The following ZDHHC11 variants were observed in gnomAD, a reference collection of about 807,000 sequenced individuals.
ZDHHC11 encodes the protein palmitoyltransferase ZDHHC11.
Under a neutral mutation model 51.3 loss-of-function variants are expected in ZDHHC11, and 44 were observed. The ratio of observed to expected loss-of-function variants is 0.86; its 90% CI spans 0.67 to 1.10. The LOEUF (loss-of-function observed/expected upper bound fraction) is 1.10, where lower values mean the gene tolerates loss of function less well. Ranked by LOEUF, ZDHHC11 falls within the 50% of genes least tolerant of loss-of-function variation. ZDHHC11 has a pLI of 0.00. For missense variants in ZDHHC11, 400 were observed against 537.7 expected (o/e 0.74, Z 2.53); for synonymous variants, 163 against 222.0 (o/e 0.73, Z 2.36).
chr5:809,118 AAAAC>A (rs1739747442), intron 11 of ZDHHC11, among the ~76,000 whole-genome samples: 1 of 147,246 alleles, frequency 6.8e-6, no homozygotes, highest in Admixed American at 6.9e-5. Flanking sequence ...AAAAAAATAA[AAAAC>A]AAACAAAACC....
chr5:859,553 C>T (rs563993420), upstream of ZDHHC11, among the ~76,000 whole-genome samples: 7 of 152,306 alleles, frequency 4.6e-5, no homozygotes, highest in East Asian at 1.9e-4. Flanking sequence ...GAGGGACCTG[C>T]GCAGCTGGTT....
chr5:840,420 C>G lies in ZDHHC11; in HGVS notation c.784+75G>C, dbSNP rs377530477. On this transcript the variant is annotated intron_variant, in intron 5 of 12. Coordinates refer to ENST00000283441, the MANE Select transcript of ZDHHC11 (RefSeq NM_024786.3). Reference sequence around the variant, plus strand: ...GGGGGCTCAGGGTTAGGGACATACTCAAGTAGAGGTGTAAGATGAGCAGCT... The same window carrying G: ...GGGGGCTCAGGGTTAGGGACATACTGAAGTAGAGGTGTAAGATGAGCAGCT... The G allele has an allele frequency of 2.2e-4, 358 of 1,606,760 alleles. No homozygotes were observed. In the African/African-American group the frequency reaches 4.3e-3, roughly 19 times the overall value.
intron 3 of ZDHHC11, among the ~76,000 whole-genome samples, chr5:844,364 G>T (rs1463770890): frequency 6.6e-6 from 1 of 152,298 alleles, no homozygotes. Flanking sequence ...CCCTTTTCAC[G>T]AGTGGGGAAA....
chr5:799,538 T>C (rs1561223967), intron 12 of ZDHHC11, among the ~76,000 whole-genome samples: 1 of 151,588 alleles, frequency 6.6e-6, no homozygotes, highest in Non-Finnish European at 1.5e-5. Flanking sequence ...CATTTGATGC[T>C]CACATGGAAG....
At chr5:832,609 AC>A (rs1391775104) in intron 7 of ZDHHC11, among the ~76,000 whole-genome samples, 2 of 62,052 alleles carry the variant, frequency 3.2e-5, no homozygotes, top group African/African-American at 1.2e-4. Flanking sequence ...AAACAAACAA[AC>A]AAAAAAATTA....
chr5:843,924 TCTGAG>T lies in ZDHHC11; in HGVS notation c.504-205_504-201del, dbSNP rs1349297062. ...GGCAGGGGCAGGGACACGCAGGGCATCTGAGGCAGGGGCGGGGGCATGCAGGGCAG... is the reference window on the plus strand; with the variant it reads ...GGCAGGGGCAGGGACACGCAGGGCATGCAGGGGCGGGGGCATGCAGGGCAG... On this transcript the variant is annotated intron_variant, in intron 3 of 12. Coordinates refer to ENST00000283441, the MANE Select transcript of ZDHHC11 (RefSeq NM_024786.3). Among the ~76,000 whole-genome samples the T allele has an allele frequency of 8.5e-3, 832 of 98,318 alleles. 25 individuals are homozygous for T. The East Asian group carries it at 0.11, about 13-fold the overall frequency. The allele number at this position is 98,318 out of a possible 152,430, so 64.5% of individuals were successfully genotyped here.
chr5:840,968 G>A lies in ZDHHC11; in HGVS notation c.629-318C>T, dbSNP rs141164150. The stretch of plus-strand genomic sequence containing the variant: ...CCCACCCCTTGCTCACTAAGAGCCA[G>A]GGTCACAGCGCCCACCCCTTCCTAA... On this transcript the variant is annotated intron_variant, in intron 4 of 12. Coordinates refer to ENST00000283441, the MANE Select transcript of ZDHHC11 (RefSeq NM_024786.3). 4.0e-4 allele frequency: 531 copies of A among 1,336,996 alleles called. 4 individuals carry two copies. The African/African-American group carries it at 6.7e-3, about 17-fold the overall frequency. 82.8% of individuals were successfully genotyped at this position (1,336,996 alleles called of 1,614,324 possible).
At chr5:840,772 G>C in intron 4 of ZDHHC11, 122 bp from the exon 5 acceptor site, 2 of 1,558,724 alleles carry the variant, frequency 1.3e-6, no homozygotes, top group Non-Finnish European at 1.7e-6. Flanking sequence ...TGCGAGGGAT[G>C]TCTCCCTGCC....
chr5:854,823 C>T (rs1286935617), upstream of ZDHHC11, among the ~76,000 whole-genome samples: 11 of 127,038 alleles, frequency 8.7e-5, no homozygotes, highest in African/African-American at 1.5e-4. Context: ...CAGAGGACAG[C>T]GAGCCGGGGG....
intron 11 of ZDHHC11, among the ~76,000 whole-genome samples, chr5:806,535 A>T (rs1739282433): frequency 6.6e-6 from 1 of 151,226 alleles, no homozygotes; most frequent in Non-Finnish European, 1.5e-5. Flanking sequence ...TATAAACATG[A>T]CTATATTGTA....
chr5:822,863 T>G (rs1156545144), intron 8 of ZDHHC11, among the ~76,000 whole-genome samples: 4 of 151,670 alleles, frequency 2.6e-5, no homozygotes, highest in Admixed American at 1.3e-4. Context: ...AGCAGTATCT[T>G]ATTGTGATTT....
chr5:822,288 G>A (rs569094023), intron 8 of ZDHHC11, among the ~76,000 whole-genome samples: 2 of 151,332 alleles, frequency 1.3e-5, no homozygotes, highest in Admixed American at 1.3e-4. Flanking sequence ...GACTGTGAGA[G>A]GACACAGAGA....
chr5:821,516 C>T (rs548407499), intron 9 of ZDHHC11, among the ~76,000 whole-genome samples: 3 of 151,508 alleles, frequency 2.0e-5, no homozygotes, highest in East Asian at 1.9e-4. Context: ...CAAGTGAAAG[C>T]GTGCAGGGCT....
rs148805710 is a variant in ZDHHC11 at position 819,542 on chromosome 5, C to T, written c.1129G>A (p.Gly377Arg). 7.1e-4 allele frequency: 1,145 copies of T among 1,609,788 alleles called. 46 individuals are homozygous for T. Among genetic ancestry groups the T allele is most frequent in the Non-Finnish European group, 9.1e-4 (1,065 of 1,176,604 alleles). Residue 377 changes from glycine to arginine, a missense_variant, in exon 10 of 13, where the codon GGG (glycine) becomes AGG (arginine). Coordinates refer to ENST00000283441, the MANE Select transcript of ZDHHC11 (RefSeq NM_024786.3). ...CQFSTRVHPD[G>R]GSMAQEADDA... The stretch of plus-strand genomic sequence containing the variant: ...CAACTTACCTGTGCCATCGAGCCCC[C>T]GTCTGGGTGTACACGAGTGGAGAAC...
rs1332206641 is a variant in ZDHHC11 at position 795,619 on chromosome 5, TATAG to T, written c.*965_*968del. On this transcript the variant is annotated 3_prime_UTR_variant, in exon 13 of 13. Coordinates refer to ENST00000283441, the MANE Select transcript of ZDHHC11 (RefSeq NM_024786.3). The stretch of plus-strand genomic sequence containing the variant: ...AAACAGCCCAATGCACGTAGTAACT[TATAG>T]ATATATTTGGAAAACTGATTATCTT... The T allele has an allele frequency of 6.6e-6, 1 of 152,468 alleles. No individual in the cohort carries two copies. The highest frequency in any genetic ancestry group is 2.4e-5 in the African/African-American group (1 of 41,238). The allele number at this position is 152,468 out of a possible 1,614,324, so 9.4% of individuals were successfully genotyped here. A position where few individuals can be genotyped will look rare whatever the true frequency, so the allele number is the denominator to read the frequency against.
chr5:800,972 C>T lies in ZDHHC11; in HGVS notation c.*7+128G>A, dbSNP rs1459921556. The T allele has an allele frequency of 3.6e-6, 4 of 1,096,278 alleles. No homozygotes were observed. The South Asian group carries it at 4.4e-5, about 12-fold the overall frequency. 67.9% of individuals were successfully genotyped at this position (1,096,278 alleles called of 1,614,324 possible). ...CCTGTTCTGGGGTTACTGTTGACATCAAGAGACAAACGACAAGCAGCCCAG... is the reference window on the plus strand; with the variant it reads ...CCTGTTCTGGGGTTACTGTTGACATTAAGAGACAAACGACAAGCAGCCCAG... On this transcript the variant is annotated intron_variant, in intron 12 of 12. Coordinates refer to ENST00000283441, the MANE Select transcript of ZDHHC11 (RefSeq NM_024786.3).
intron 11 of ZDHHC11, among the ~76,000 whole-genome samples, chr5:813,431 G>A (rs867284835): frequency 1.3e-4 from 19 of 143,074 alleles, no homozygotes; most frequent in Middle Eastern, 3.4e-3. Flanking sequence ...GGGGGAGACC[G>A]GGAGGCATGC....
At chr5:854,912 G>A (rs1747928774), upstream of ZDHHC11, among the ~76,000 whole-genome samples, 1 of 147,904 alleles carries the variant, frequency 6.8e-6, no homozygotes, top group African/African-American at 2.5e-5. Flanking sequence ...AGACTGCCCA[G>A]AGGACAGTGA....
At chr5:851,525 A>T (rs1479318935), upstream of ZDHHC11, among the ~76,000 whole-genome samples, 1 of 152,194 alleles carries the variant, frequency 6.6e-6, no homozygotes, top group Non-Finnish European at 1.5e-5. Flanking sequence ...CCTTCAGAAA[A>T]TGAAGTTGAT....
Sources: gnomAD v4.1 joint callset for allele counts (sites outside exome capture counted in the v4.1 genomes callset) on GRCh38, gnomAD v4.1.1 for gene constraint, MANE v1.5 for transcripts, NCBI Gene and HGNC (gene_info 2026-07-23, HGNC 2026-07-21) for gene names.